C2orf66: variants seen among roughly 807,000 people sequenced by gnomAD.
The protein encoded by C2orf66 is uncharacterized protein C2orf66.
Under a neutral mutation model 7.0 loss-of-function variants are expected in C2orf66, and 6 were observed. The ratio of observed to expected loss-of-function variants is 0.86; its 90% confidence interval spans 0.47 to 1.69. The LOEUF is 1.69. C2orf66 is among the 40% of genes most tolerant of loss of function. The pLI, the probability that C2orf66 is intolerant of heterozygous loss-of-function variation, is 0.01. For missense variants in C2orf66, 107 were observed against 112.0 expected, an observed-to-expected ratio of 0.96 and a Z score of 0.20; for synonymous variants, 38 against 43.8, an observed-to-expected ratio of 0.87 and a Z score of 0.52.
At chr2:196,828,226 TCTCTCACA>T in the C2orf66 span, among the ~76,000 whole-genome samples, 11 of 132,768 alleles carry the variant, frequency 8.3e-5, no homozygotes, top group East Asian at 1.2e-3. Context: ...TCTCTCTCTC[TCTCTCACA>T]CACACACACA....
At chr2:196,825,009 G>A in the C2orf66 span, among the ~76,000 whole-genome samples, 4 of 152,048 alleles carry the variant, frequency 2.6e-5, no homozygotes, top group East Asian at 1.9e-4. Flanking sequence ...TGAGGAGGGC[G>A]GATCACCTGA....
rs1403180452 is a variant in C2orf66, at chr2:196,804,761, T to C, written c.*667A>G. On this transcript the variant is annotated 3_prime_UTR_variant, in exon 3 of 3. Coordinates refer to ENST00000342506, the MANE Select transcript of C2orf66 (RefSeq NM_213608.3). Reference sequence around the variant, plus strand: ...GCTCGGGCATTGCTAGAATATTTGATGTGGCACAATGTCCACCTCTGAATA... The same window carrying C: ...GCTCGGGCATTGCTAGAATATTTGACGTGGCACAATGTCCACCTCTGAATA... Among the ~76,000 whole-genome samples the C allele has an allele frequency of 6.6e-6, 1 of 152,222 alleles. No individual in the cohort carries two copies. The highest frequency in any genetic ancestry group is 1.5e-5 in the Non-Finnish European group (1 of 68,034).
chr2:196,821,928 CTTTTTTT>C, the C2orf66 span, among the ~76,000 whole-genome samples: 10 of 32,270 alleles, frequency 3.1e-4, no homozygotes, highest in Non-Finnish European at 5.3e-4. Flanking sequence ...AACCAGTGAG[CTTTTTTT>C]TTTTTTTTTT....
the C2orf66 span, among the ~76,000 whole-genome samples, chr2:196,826,722 T>C: frequency 6.6e-6 from 1 of 152,176 alleles, no homozygotes; most frequent in Non-Finnish European, 1.5e-5. Context: ...AACTGTGTTA[T>C]GTGTATTTTA....
At chr2:196,827,238 CA>C in the C2orf66 span, among the ~76,000 whole-genome samples, 924 of 40,548 alleles carry the variant, frequency 0.023, 2 homozygotes, top group Non-Finnish European at 0.026. Context: ...GATTCTGTCT[CA>C]AAAAAAAAAA....
the C2orf66 span, among the ~76,000 whole-genome samples, chr2:196,829,594 C>CAA: frequency 8.4e-5 from 12 of 143,170 alleles, no homozygotes; most frequent in South Asian, 2.3e-4. Context: ...GTCTCAAAAA[C>CAA]AAAAAAAAAC....
chr2:196,815,574 A>G, the C2orf66 span, among the ~76,000 whole-genome samples: 1 of 152,234 alleles, frequency 6.6e-6, no homozygotes, highest in African/African-American at 2.4e-5. Context: ...AGGCATCTGA[A>G]TGAAATTCTT....
At chr2:196,831,987 T>TA in the C2orf66 span, 2 of 152,182 alleles carry the variant, frequency 1.3e-5, no homozygotes, top group Non-Finnish European at 2.9e-5. Context: ...TGCCAGTACT[T>TA]AGATTTATCA....
At chr2:196,827,890 C>A in the C2orf66 span, among the ~76,000 whole-genome samples, 761 of 152,214 alleles carry the variant, frequency 5.0e-3, 5 homozygotes, top group African/African-American at 0.017. Flanking sequence ...CTCTGCAAAA[C>A]CTGAAGCTTT....
At chr2:196,824,944 G>C in the C2orf66 span, among the ~76,000 whole-genome samples, 2 of 152,144 alleles carry the variant, frequency 1.3e-5, no homozygotes, top group Admixed American at 6.5e-5. Flanking sequence ...TTAAAACATG[G>C]GTAAAGGGGC....
intron 2 of C2orf66, among the ~76,000 whole-genome samples, chr2:196,807,020 T>C (rs1018768807): frequency 1.3e-5 from 2 of 152,232 alleles, no homozygotes; most frequent in Non-Finnish European, 2.9e-5. Context: ...AACCATACTT[T>C]CAACTTTTAA....
chr2:196,831,660 G>A, the C2orf66 span, among the ~76,000 whole-genome samples: 1 of 152,112 alleles, frequency 6.6e-6, no homozygotes, highest in Non-Finnish European at 1.5e-5. Context: ...TTTTAATAAT[G>A]GTCTTGCAAG....
the C2orf66 span, among the ~76,000 whole-genome samples, chr2:196,826,946 G>T: frequency 1.3e-5 from 2 of 151,972 alleles, no homozygotes; most frequent in Non-Finnish European, 2.9e-5. Flanking sequence ...CAGGGGAATC[G>T]CTTGAACCCG....
At chr2:196,813,285 C>T (rs1466160358), upstream of C2orf66, among the ~76,000 whole-genome samples, 11 of 152,156 alleles carry the variant, frequency 7.2e-5, no homozygotes, top group Admixed American at 1.3e-4. Flanking sequence ...ACATCTACAA[C>T]CATCTGATCT....
intron 1 of C2orf66, among the ~76,000 whole-genome samples, chr2:196,808,262 T>C (rs949196337): frequency 3.3e-5 from 5 of 152,176 alleles, no homozygotes; most frequent in Non-Finnish European, 7.3e-5. Flanking sequence ...TCAACTGTGT[T>C]TTTATCCACT....
the C2orf66 span, among the ~76,000 whole-genome samples, chr2:196,825,584 T>C: frequency 1.1e-4 from 17 of 152,204 alleles, no homozygotes; most frequent in African/African-American, 3.9e-4. Flanking sequence ...TGTCAATTAG[T>C]ATCTCAGTAA....
chr2:196,816,769 C>T, the C2orf66 span, among the ~76,000 whole-genome samples: 1 of 152,228 alleles, frequency 6.6e-6, no homozygotes, highest in African/African-American at 2.4e-5. Context: ...AAATATGTTA[C>T]AACCGTTTTT....
chr2:196,806,252 C>T (rs1699818502), intron 2 of C2orf66, among the ~76,000 whole-genome samples: 1 of 152,102 alleles, frequency 6.6e-6, no homozygotes. Flanking sequence ...GGCTGGAGTG[C>T]AGTGGCGTGC....
At chr2:196,806,981 A>C (rs1276869473) in intron 2 of C2orf66, among the ~76,000 whole-genome samples, 1 of 152,172 alleles carries the variant, frequency 6.6e-6, no homozygotes, top group Non-Finnish European at 1.5e-5. Context: ...TCAAGCTCAA[A>C]TATATGCATA....
Sources: allele counts gnomAD v4.1 joint callset (sites outside exome capture counted in the v4.1 genomes callset), GRCh38; gene constraint gnomAD v4.1.1; transcripts MANE v1.5; gene names NCBI Gene and HGNC (gene_info 2026-07-23, HGNC 2026-07-21).